Variants in HPSE observed in about 807,000 individuals in gnomAD.
The protein encoded by HPSE is endo-glucoronidase.
A neutral mutation model predicts 65.1 loss-of-function variants in HPSE; 48 were observed. The observed-to-expected ratio is 0.74, with a 90% CI of 0.58 to 0.94. The LOEUF (loss-of-function observed/expected upper bound fraction) is 0.94. HPSE is among the 40% of genes least tolerant of loss of function. The probability of loss-of-function intolerance (pLI) is 0.00; values close to 1 mark genes in which losing one functional copy is unlikely to be tolerated. For missense variants in HPSE, 644 were observed against 637.5 expected (o/e 1.01, Z -0.11); for synonymous variants, 243 against 260.0 (o/e 0.93, Z 0.63).
At chr4:83,334,907 A>C, upstream of HPSE, 1 of 1,380,768 alleles carries the variant, frequency 7.2e-7, no homozygotes, top group Non-Finnish European at 9.4e-7. Context: ...ACGCCTCCTC[A>C]CCCCTCCCAC....
At position 83,306,269 on chromosome 4, in the gene HPSE, C is replaced by T. The variant is rs779940828; in HGVS notation, c.1140G>A (p.Val380=). 1 of 1,614,000 alleles carries T rather than the reference C, an allele frequency of 6.2e-7. No homozygotes were observed. Among genetic ancestry groups the T allele is most frequent in the Non-Finnish European group, 8.5e-7 (1 of 1,179,856 alleles). The change falls in exon 9 of 12, where the codon GTG becomes GTA. Residue 380 remains valine (V), a synonymous_variant. Transcript: ENST00000311412. ...GLSARMGIEV[V]MRQVFFGAGN... ...CTGCTCCAAAGAATACTTGCCTCAT[C>T]ACCACTTCTATTCCCATTCGGGCTG... is the stretch of plus-strand genomic sequence containing the variant.
At chr4:83,318,210 A>G (rs530417858) in intron 3 of HPSE, among the ~76,000 whole-genome samples, 1 of 152,376 alleles carries the variant, frequency 6.6e-6, no homozygotes, top group South Asian at 2.1e-4. Context: ...ATTTATTTTC[A>G]AAAGTCAAAA....
At chr4:83,310,647 G>T (rs1736330832) in intron 5 of HPSE, 75 bp downstream of exon 5, 4 of 1,391,184 alleles carry the variant, frequency 2.9e-6, no homozygotes, top group Middle Eastern at 1.8e-4. Context: ...ACTCCAGTCT[G>T]GCTGACAGAG....
chr4:83,319,832 G>A (rs1209696468), intron 2 of HPSE, among the ~76,000 whole-genome samples: 1 of 151,944 alleles, frequency 6.6e-6, no homozygotes, highest in Non-Finnish European at 1.5e-5. Flanking sequence ...AGGCTGAGAT[G>A]GGCGAATCAC....
chr4:83,318,637 G>C (rs1736750100), intron 3 of HPSE, among the ~76,000 whole-genome samples: 1 of 150,992 alleles, frequency 6.6e-6, no homozygotes, highest in African/African-American at 2.4e-5. Flanking sequence ...TTGAACCTGG[G>C]AGGCGGAGGT....
chr4:83,319,208 A>C, intron 3 of HPSE, 136 bp downstream of exon 3: 1 of 883,836 alleles, frequency 1.1e-6, no homozygotes, highest in South Asian at 1.8e-5. Flanking sequence ...TGAGTTTAGG[A>C]TTTCCCATTT....
rs36002405 is a variant in HPSE at position 83,321,987 on chromosome 4, C to CTTTTTTTTTTTT, written c.373+220_373+231dup. On this transcript the variant is annotated intron_variant, in intron 2 of 11. Coordinates refer to ENST00000311412, the MANE Select transcript of HPSE (RefSeq NM_001098540.3). ...GAGCTCTCAGTTATATCCAGGACGC[C>CTTTTTTTTTTTT]TTTTTTTTTTTTTTTTTTTTGTGAG... Among the ~76,000 whole-genome samples, 93 of 92,558 alleles carry CTTTTTTTTTTTT rather than the reference C, an allele frequency of 1.0e-3. 2 individuals are homozygous for CTTTTTTTTTTTT. Among genetic ancestry groups the CTTTTTTTTTTTT allele is most frequent in the Non-Finnish European group, 1.3e-3 (66 of 52,306 alleles). 60.7% of individuals were successfully genotyped at this position (92,558 alleles called of 152,430 possible). A position where few individuals can be genotyped will look rare whatever the true frequency, so the allele number is the denominator to read the frequency against.
intron 9 of HPSE, among the ~76,000 whole-genome samples, chr4:83,305,806 G>T (rs1005029748): frequency 6.6e-6 from 1 of 152,110 alleles, no homozygotes; most frequent in South Asian, 2.1e-4. Context: ...TCATTTTAAG[G>T]TTAAATAAAT....
intron 11 of HPSE, among the ~76,000 whole-genome samples, chr4:83,299,368 A>T (rs867060485): frequency 6.6e-5 from 7 of 106,866 alleles, no homozygotes; most frequent in East Asian, 5.6e-4. Flanking sequence ...TGTCTCAAAA[A>T]AAAAAAAAAA....
At chr4:83,298,783 G>A (rs1310609487) in intron 11 of HPSE, among the ~76,000 whole-genome samples, 5 of 152,052 alleles carry the variant, frequency 3.3e-5, no homozygotes, top group East Asian at 3.9e-4. Context: ...AGCTGTGACC[G>A]CACCACTACT....
chr4:83,301,882 G>A (rs74905621), intron 10 of HPSE, among the ~76,000 whole-genome samples: 1 of 152,084 alleles, frequency 6.6e-6, no homozygotes, highest in African/African-American at 2.4e-5. Context: ...ACTTGAACCC[G>A]GGAGGCGGAG....
rs1488634188 is a variant in HPSE, at chr4:83,327,090, G to T, written c.228-4726C>A. On this transcript the variant is annotated intron_variant, in intron 1 of 11. Coordinates refer to ENST00000311412, the MANE Select transcript of HPSE (RefSeq NM_001098540.3). ...ACTCTCTATTGCAGCCCCCATCTCT[G>T]CTGCAAGCTCCCTGAGAGCAGGGAC... 2.0e-5 allele frequency among the ~76,000 whole-genome samples: 3 copies of T among 152,062 alleles called. No homozygotes were observed. In the East Asian group the frequency reaches 5.8e-4, roughly 29 times the overall value.
chr4:83,315,078 G>A (rs1036304435), intron 3 of HPSE, among the ~76,000 whole-genome samples: 3 of 151,542 alleles, frequency 2.0e-5, no homozygotes, highest in Admixed American at 6.6e-5. Flanking sequence ...GCTCAAACCC[G>A]GGAGGTGGAG....
Position 83,334,750 on chromosome 4 carries a change from C to A in HPSE, c.33G>T (p.Pro11=), listed in dbSNP as rs1247453828. Residue 11 remains proline, a synonymous_variant, in exon 1 of 12, where the codon CCG becomes CCT. Coordinates refer to ENST00000311412, the MANE Select transcript of HPSE (RefSeq NM_001098540.3). ...GCCCCAGGAGCAGCAGCATCAGCGGCGGCGGCAGCGCAGGCTTCGAGCGCA... is the reference window on the plus strand; with the variant it reads ...GCCCCAGGAGCAGCAGCATCAGCGGAGGCGGCAGCGCAGGCTTCGAGCGCA... MLLRSKPALP[P]PLMLLLLGPL... The A allele has an allele frequency of 5.1e-6, 8 of 1,553,490 alleles. No homozygotes were observed. In the Admixed American group the frequency reaches 1.6e-4, roughly 30 times the overall value.
chr4:83,320,660 C>T (rs1270917256), intron 2 of HPSE, among the ~76,000 whole-genome samples: 1 of 152,162 alleles, frequency 6.6e-6, no homozygotes, highest in African/African-American at 2.4e-5. Context: ...GTGCTGGCTG[C>T]CAGGGCCGGC....
At chr4:83,308,980 T>C (rs1402857054) in intron 7 of HPSE, 29 bp from the exon 8 acceptor site, 1 of 1,588,276 alleles carries the variant, frequency 6.3e-7, no homozygotes, top group East Asian at 2.2e-5. Context: ...TCCATGGTAA[T>C]TGCAAAAAAG....
At chr4:83,312,793 C>T (rs71631368) in intron 4 of HPSE, among the ~76,000 whole-genome samples, 1 of 119,066 alleles carries the variant, frequency 8.4e-6, no homozygotes, top group African/African-American at 3.2e-5. Context: ...GTCAGGAGAT[C>T]AAGACCATCC....
At chr4:83,319,906 GCTA>G (rs1473697576) in intron 2 of HPSE, among the ~76,000 whole-genome samples, 1 of 151,612 alleles carries the variant, frequency 6.6e-6, no homozygotes, top group East Asian at 1.9e-4. Flanking sequence ...CTAAAATACA[GCTA>G]CTCAGGAGGC....
intron 5 of HPSE, among the ~76,000 whole-genome samples, chr4:83,310,413 T>G (rs1175588406): frequency 6.6e-6 from 1 of 151,786 alleles, no homozygotes; most frequent in African/African-American, 2.4e-5. Flanking sequence ...ATGCCTGTAA[T>G]CCTGGCACTC....
Sources: gnomAD v4.1 joint callset for allele counts (sites outside exome capture counted in the v4.1 genomes callset) on GRCh38, gnomAD v4.1.1 for gene constraint, MANE v1.5 for transcripts, NCBI Gene and HGNC (gene_info 2026-07-23, HGNC 2026-07-21) for gene names.